Variants in INPP4B observed in about 807,000 individuals in gnomAD.
INPP4B encodes the protein inositol polyphosphate-4-phosphatase type II B, also known as inositol polyphosphate 4-phosphatase type II.
INPP4B carries 55 observed loss-of-function variants against 122.5 expected under a neutral mutation model. That is an observed-to-expected ratio of 0.45 (90% CI 0.36 to 0.56). The LOEUF (loss-of-function observed/expected upper bound fraction) is 0.56, where lower values mean the gene tolerates loss of function less well. Ranked by LOEUF, INPP4B falls within the 20% of genes least tolerant of loss-of-function variation. INPP4B has a pLI of 0.00. For synonymous variants in INPP4B, 403 were observed against 388.7 expected, an observed-to-expected ratio of 1.04 and a Z score of -0.43; for missense variants, 1,000 against 1,097.7, an observed-to-expected ratio of 0.91 and a Z score of 1.26.
intron 5 of INPP4B, among the ~76,000 whole-genome samples, chr4:142,418,810 G>T (rs1456847775): frequency 6.6e-6 from 1 of 152,064 alleles, no homozygotes; most frequent in African/African-American, 2.4e-5. Context: ...CTTAACTAGG[G>T]GAGTAAAGAA....
rs1049635153 is a variant in INPP4B at position 142,663,622 on chromosome 4, A to T, written c.-191+62217T>A. ...TTTTTAAAAGGTCACTTAACTGTAT[A>T]TTTTTTGAAATATATCCAAGCTGCT... is the stretch of plus-strand genomic sequence containing the variant. On this transcript the variant is annotated intron_variant, in intron 2 of 25. Coordinates refer to ENST00000262992, the MANE Select transcript of INPP4B (RefSeq NM_001101669.3). Among the ~76,000 whole-genome samples, 7 of 152,134 alleles carry T rather than the reference A, an allele frequency of 4.6e-5. 1 individual carries two copies. The highest frequency in any genetic ancestry group is 3.9e-4 in the Admixed American group (6 of 15,272).
At chr4:142,575,099 A>G (rs192409730) in intron 2 of INPP4B, among the ~76,000 whole-genome samples, 193 of 152,226 alleles carry the variant, frequency 1.3e-3, no homozygotes, top group Non-Finnish European at 2.3e-3. Flanking sequence ...GATCGAAAGA[A>G]GGAAAATTTA....
chr4:142,725,776 A>G, intron 2 of INPP4B, 63 bp downstream of exon 2: 1 of 397,086 alleles, frequency 2.5e-6, no homozygotes, highest in Non-Finnish European at 4.4e-6. Flanking sequence ...AATCAAGGAA[A>G]GTCAACTAGT....
chr4:142,246,734 A>G (rs781772458), intron 11 of INPP4B, among the ~76,000 whole-genome samples: 2 of 152,194 alleles, frequency 1.3e-5, no homozygotes, highest in Admixed American at 6.5e-5. Context: ...GAATCATGTC[A>G]TCTGCAAACA....
chr4:142,693,814 G>A (rs1760593149), intron 2 of INPP4B, among the ~76,000 whole-genome samples: 1 of 152,014 alleles, frequency 6.6e-6, no homozygotes, highest in Non-Finnish European at 1.5e-5. Flanking sequence ...CAAATTTAAG[G>A]TTGCCTAGCT....
chr4:142,094,532 G>A (rs1170344267), intron 23 of INPP4B, among the ~76,000 whole-genome samples: 1 of 152,164 alleles, frequency 6.6e-6, no homozygotes, highest in African/African-American at 2.4e-5. Flanking sequence ...TGATTTCAGT[G>A]TCTTACCTCC....
chr4:142,182,092 A>C (rs1430114764), intron 15 of INPP4B, among the ~76,000 whole-genome samples: 1 of 152,144 alleles, frequency 6.6e-6, no homozygotes, highest in Non-Finnish European at 1.5e-5. Flanking sequence ...AGGGTAAATG[A>C]GTATGGAAGA....
At chr4:142,524,417 G>A (rs1826557040) in intron 2 of INPP4B, among the ~76,000 whole-genome samples, 1 of 152,066 alleles carries the variant, frequency 6.6e-6, no homozygotes, top group South Asian at 2.1e-4. Context: ...GTGATGATGA[G>A]CATTTTTTCA....
At chr4:142,409,000 A>C (rs1168276595) in intron 5 of INPP4B, among the ~76,000 whole-genome samples, 1 of 150,524 alleles carries the variant, frequency 6.6e-6, no homozygotes, top group Non-Finnish European at 1.5e-5. Flanking sequence ...TTGTCATCAG[A>C]AAAAAAATAA....
chr4:142,113,257 C>T (rs1047214910), intron 21 of INPP4B, among the ~76,000 whole-genome samples: 6 of 152,046 alleles, frequency 3.9e-5, no homozygotes, highest in Non-Finnish European at 7.4e-5. Context: ...CCATTAAAAA[C>T]TACCCCTATT....
At chr4:142,077,135 A>G (rs957868565) in intron 25 of INPP4B, among the ~76,000 whole-genome samples, 3 of 152,060 alleles carry the variant, frequency 2.0e-5, no homozygotes, top group African/African-American at 7.2e-5. Context: ...AAACTCAATA[A>G]GGCCAATGGG....
At position 142,728,424 on chromosome 4, in the gene INPP4B, C is replaced by T. The variant is rs942658533; in HGVS notation, c.-253-2523G>A. 4.6e-5 allele frequency among the ~76,000 whole-genome samples: 7 copies of T among 152,036 alleles called. No homozygotes were observed. In the South Asian group the frequency reaches 1.0e-3, roughly 23 times the overall value. ...TGTTGTGGGTTAAATTATGTACTCC[C>T]GAAAGATATGTTGAAGTCCTACCCT... On this transcript the variant is annotated intron_variant, in intron 1 of 25. Transcript: ENST00000262992.
At chr4:142,104,421 T>C (rs2152666575) in intron 23 of INPP4B, among the ~76,000 whole-genome samples, 1 of 152,158 alleles carries the variant, frequency 6.6e-6, no homozygotes. Context: ...AACAGGAAGA[T>C]TAGAGTGACA....
intron 7 of INPP4B, among the ~76,000 whole-genome samples, chr4:142,390,863 A>G (rs1797455626): frequency 6.6e-6 from 1 of 152,188 alleles, no homozygotes. Flanking sequence ...GTTTCTGAAA[A>G]CTTCACAAGC....
At chr4:142,045,628 C>G (rs1750937958) in intron 25 of INPP4B, among the ~76,000 whole-genome samples, 1 of 152,026 alleles carries the variant, frequency 6.6e-6, no homozygotes, top group Non-Finnish European at 1.5e-5. Flanking sequence ...CCATTTTTGA[C>G]CTTTACCTCT....
chr4:142,450,861 A>G (rs1241894508), intron 3 of INPP4B, among the ~76,000 whole-genome samples: 1 of 151,970 alleles, frequency 6.6e-6, no homozygotes, highest in Non-Finnish European at 1.5e-5. Context: ...AACTTCTATT[A>G]TTTCTTGAGA....
chr4:142,613,809 T>G (rs1463035780), intron 2 of INPP4B, among the ~76,000 whole-genome samples: 10 of 152,192 alleles, frequency 6.6e-5, no homozygotes, highest in Admixed American at 6.5e-4. Flanking sequence ...TGCATATTAC[T>G]CACATACCTT....
rs759867182 is a variant in INPP4B, at chr4:142,260,552, A to G, written c.628T>C (p.Cys210Arg). 1.3e-6 allele frequency: 2 copies of G among 1,593,776 alleles called. No homozygotes were observed. ...ACACTTTCCGGGGCTGTACATTCAC[A>G]TACCAGGGCACACTAGGAAAAAATG... ...DVQGQKCALV[C>R]ECTAPESVSG... Residue 210 changes from cysteine (C) to arginine (R), a missense_variant, in exon 11 of 26, where the codon TGT becomes CGT. By Grantham distance (180) the Cys-to-Arg change is radical. Transcript: ENST00000262992.
intron 2 of INPP4B, among the ~76,000 whole-genome samples, chr4:142,629,772 C>A (rs544962651): frequency 1.3e-4 from 20 of 152,146 alleles, no homozygotes; most frequent in African/African-American, 4.3e-4. Context: ...ATGTTTGATG[C>A]AGCATAATAT....
Sources: allele counts gnomAD v4.1 joint callset (sites outside exome capture counted in the v4.1 genomes callset), GRCh38; gene constraint gnomAD v4.1.1; transcripts MANE v1.5; gene names NCBI Gene and HGNC (gene_info 2026-07-23, HGNC 2026-07-21).